Variants in C15orf39 observed in about 807,000 individuals in gnomAD.
The protein encoded by C15orf39 is uncharacterized protein C15orf39.
Under a neutral mutation model 53.9 loss-of-function variants are expected in C15orf39, and 24 were observed. The observed-to-expected ratio is 0.45, with a 90% CI of 0.32 to 0.63. C15orf39 has a LOEUF of 0.63. Ranked by LOEUF, C15orf39 falls within the 20% of genes least tolerant of loss-of-function variation. The probability of loss-of-function intolerance (pLI) is 0.04; values close to 1 mark genes in which losing one functional copy is unlikely to be tolerated. For missense variants in C15orf39, 1,271 were observed against 1,347.9 expected (o/e 0.94, Z 0.89); for synonymous variants, 569 against 576.5 (o/e 0.99, Z 0.19).
At chr15:75,201,806 C>G (rs985800017), upstream of C15orf39, 1 of 151,968 alleles carries the variant, frequency 6.6e-6, no homozygotes, top group Non-Finnish European at 1.5e-5. The surrounding 1 kb of genome is among the most constrained non-coding windows in gnomAD (Gnocchi z 4.7). Context: ...CTCCCAGAGG[C>G]GGGGCCGGGC....
Position 75,208,832 on chromosome 15 carries a change from T to C in C15orf39, c.2776+8T>C, listed in dbSNP as rs373426939. 5.7e-6 allele frequency: 9 copies of C among 1,583,036 alleles called. No individual in the cohort carries two copies. The highest frequency in any genetic ancestry group is 7.7e-6 in the Non-Finnish European group (9 of 1,166,072). On this transcript the variant is annotated splice_region_variant and intron_variant, in intron 2 of 2. Transcript: ENST00000394987. The stretch of plus-strand genomic sequence containing the variant: ...GTGTACGCCGCCAGCTGGGTGAGCA[T>C]GGGGCAGCCCCAGTGGCCACCGGAG...
Position 75,206,317 on chromosome 15 carries a change from A to G in C15orf39, c.269A>G (p.Asn90Ser), listed in dbSNP as rs757626994. 1 of 1,614,034 alleles carries G rather than the reference A, an allele frequency of 6.2e-7. No homozygotes were observed. Among genetic ancestry groups the G allele is most frequent in the Non-Finnish European group, 8.5e-7 (1 of 1,179,994 alleles). The part of the protein sequence containing the change: ...PPLQADNLLT[N>S]CLFYRSPAEG... ...CTTCAGGCAGACAACCTGCTGACCA[A>G]CTGCCTGTTCTACCGCTCGCCAGCA... The change falls in exon 2 of 3, where the codon AAC (asparagine) becomes AGC (serine). Residue 90 changes from asparagine to serine, a missense_variant. Physicochemically the swap from Asn to Ser is conservative, Grantham distance 46. Coordinates refer to ENST00000394987, the MANE Select transcript of C15orf39 (RefSeq NM_015492.5).
rs778936459 is a variant in C15orf39 at position 75,208,459 on chromosome 15, C to G, written c.2411C>G (p.Ala804Gly). 1 of 1,602,414 alleles carries G rather than the reference C, an allele frequency of 6.2e-7. No homozygotes were observed. Among genetic ancestry groups the G allele is most frequent in the Admixed American group, 1.7e-5 (1 of 59,356 alleles). Residue 804 changes from alanine to glycine, a missense_variant, in exon 2 of 3, where the codon GCG becomes GGG. Ala to Gly is a moderately conservative substitution (Grantham distance 60). Coordinates refer to ENST00000394987, the MANE Select transcript of C15orf39 (RefSeq NM_015492.5). The stretch of plus-strand genomic sequence containing the variant: ...ACGGCTGGGCCCTGGGGCCAGGCTG[C>G]GTGGCAGGACTGCCAGGGTGTGCAG... The part of the protein sequence containing the change: ...LETAGPWGQA[A>G]WQDCQGVQGL...
intron 1 of C15orf39, among the ~76,000 whole-genome samples, chr15:75,205,714 T>G (rs1392248436): frequency 6.6e-6 from 1 of 151,984 alleles, no homozygotes; most frequent in Non-Finnish European, 1.5e-5. Flanking sequence ...CCCAGCAACC[T>G]GGGAGTTGGG....
chr15:75,205,869 G>T, intron 1 of C15orf39, 130 bp from the exon 2 acceptor site: 1 of 651,006 alleles, frequency 1.5e-6, no homozygotes, highest in Non-Finnish European at 2.6e-6. Flanking sequence ...TGCACTCACA[G>T]TCTTAACTGA....
chr15:75,207,119 C>T lies in C15orf39; in HGVS notation c.1071C>T (p.Leu357=). The T allele has an allele frequency of 6.2e-7, 1 of 1,613,602 alleles. No individual in the cohort carries two copies. The highest frequency in any genetic ancestry group is 1.1e-5 in the South Asian group (1 of 91,076). ...CTCTCCCAGCACCCTCTCCAGGCCT[C>T]AAGCTGGAGCCGCCTCTCACTCCAC... ...SAPLPAPSPG[L]KLEPPLTPRC... Residue 357 remains leucine, a synonymous_variant, in exon 2 of 3, where the codon CTC becomes CTT. Coordinates refer to ENST00000394987, the MANE Select transcript of C15orf39 (RefSeq NM_015492.5).
rs1267426345 is a variant in C15orf39 at position 75,208,250 on chromosome 15, T to A, written c.2202T>A (p.Ala734=). The A allele has an allele frequency of 1.1e-5, 18 of 1,604,380 alleles. No individual in the cohort carries two copies. The highest frequency in any genetic ancestry group is 1.4e-5 in the Non-Finnish European group (17 of 1,175,536). Residue 734 remains alanine, a synonymous_variant, in exon 2 of 3, where the codon GCT becomes GCA. Coordinates refer to ENST00000394987, the MANE Select transcript of C15orf39 (RefSeq NM_015492.5). ...APSPAPARAQ[A]PASARDPAPA... is the part of the protein sequence containing the mutation. ...CCCCTGCTCCGGCTCGAGCTCAGGCTCCAGCTTCAGCCCGGGATCCAGCTC... is the reference window on the plus strand; with the variant it reads ...CCCCTGCTCCGGCTCGAGCTCAGGCACCAGCTTCAGCCCGGGATCCAGCTC...
Position 75,208,016 on chromosome 15 carries a change from C to T in C15orf39, c.1968C>T (p.Ile656=), listed in dbSNP as rs771069072. ...CCTTCATGTTCCGAAAGTTCAAGATCCTCCGTCCGGCACCTTTGCCTGCAG... is the reference window on the plus strand; with the variant it reads ...CCTTCATGTTCCGAAAGTTCAAGATTCTCCGTCCGGCACCTTTGCCTGCAG... ...SVAFMFRKFK[I]LRPAPLPAAV... is the part of the protein sequence containing the mutation. Residue 656 remains isoleucine (I), a synonymous_variant, in exon 2 of 3, where the codon ATC becomes ATT. Transcript: ENST00000394987. 5 of 1,613,952 alleles carry T rather than the reference C, an allele frequency of 3.1e-6. No individual in the cohort carries two copies. Among genetic ancestry groups the T allele is most frequent in the East Asian group, 4.5e-5 (2 of 44,896 alleles).
chr15:75,210,241 C>T (rs188795608), intron 2 of C15orf39, among the ~76,000 whole-genome samples: 6 of 152,296 alleles, frequency 3.9e-5, no homozygotes, highest in African/African-American at 1.2e-4. Flanking sequence ...CCTTGGGGGC[C>T]GTTTTTCTCT....
intron 2 of C15orf39, chr15:75,209,172 A>G (rs1039799183): frequency 1.9e-5 from 5 of 263,284 alleles, no homozygotes; most frequent in Non-Finnish European, 2.2e-5. Flanking sequence ...CCTGTTTTCT[A>G]GCTGAGATAA....
chr15:75,202,789 T>C (rs1035060050), intron 1 of C15orf39, among the ~76,000 whole-genome samples: 13 of 151,972 alleles, frequency 8.6e-5, no homozygotes, highest in African/African-American at 2.9e-4. Context: ...CAGGCACGGG[T>C]TTGCATGCGT....
At chr15:75,201,679 G>A (rs2070401662), upstream of C15orf39, among the ~76,000 whole-genome samples, 1 of 152,208 alleles carries the variant, frequency 6.6e-6, no homozygotes, top group African/African-American at 2.4e-5. The surrounding 1 kb of genome is among the most constrained non-coding windows in gnomAD (Gnocchi z 4.7). Flanking sequence ...TGACGGGCCC[G>A]CCGGGCACTG....
At chr15:75,203,416 G>A (rs1198512153) in intron 1 of C15orf39, among the ~76,000 whole-genome samples, 1 of 152,238 alleles carries the variant, frequency 6.6e-6, no homozygotes, top group African/African-American at 2.4e-5. Flanking sequence ...CTCAGTATGG[G>A]TCAGGGAAGG....
intron 1 of C15orf39, 23 bp downstream of exon 1, chr15:75,202,082 G>C (rs1003661873): frequency 6.6e-6 from 1 of 152,048 alleles, no homozygotes; most frequent in Admixed American, 6.6e-5. Flanking sequence ...CCGCTCGGCG[G>C]GCGCGGAAAC....
Position 75,202,237 on chromosome 15 carries a change from G to A in C15orf39, c.-51+178G>A, listed in dbSNP as rs541137348. 7 of 152,392 alleles carry A rather than the reference G, an allele frequency of 4.6e-5. No homozygotes were observed. In the East Asian group the frequency reaches 1.4e-3, roughly 29 times the overall value. The allele number at this position is 152,392 out of a possible 1,614,324, so 9.4% of individuals were successfully genotyped here. A position where few individuals can be genotyped will look rare whatever the true frequency, so the allele number is the denominator to read the frequency against. ...GGCTGCCGCCGGCCCCCCGCGAACGGGCTGCGGGGCAGGGGTGGCGCTGCT... is the reference window on the plus strand; with the variant it reads ...GGCTGCCGCCGGCCCCCCGCGAACGAGCTGCGGGGCAGGGGTGGCGCTGCT... On this transcript the variant is annotated intron_variant, in intron 1 of 2. Coordinates refer to ENST00000394987, the MANE Select transcript of C15orf39 (RefSeq NM_015492.5).
chr15:75,207,664 C>CTGAGCCTGACT lies in C15orf39; in HGVS notation c.1616_1617insTGAGCCTGACT (p.Thr540GlufsTer29). 2 of 1,611,200 alleles carry CTGAGCCTGACT rather than the reference C, an allele frequency of 1.2e-6. No individual in the cohort carries two copies. The highest frequency in any genetic ancestry group is 1.7e-6 in the Non-Finnish European group (2 of 1,178,564). ...ACAGCTGAGCCTGACTCAGCCCCAG[C>CTGAGCCTGACT]CACCAGTGAAGGTCAGGACAAAGGC... On this transcript the variant is annotated frameshift_variant, in exon 2 of 3. Transcript: ENST00000394987. LOFTEE classifies it high-confidence loss of function.
rs1321969876 is a variant in C15orf39, at chr15:75,207,857, G to GGATGTGCCA, written c.1816_1824dup (p.Pro606_Val608dup). ...AGCATGCCAAGCCTACTGCAGCCAT[G>GGATGTGCCA]GATGTGCCAGATGTGGGCAACATGG... On this transcript the variant is annotated inframe_insertion, in exon 2 of 3. Transcript: ENST00000394987. 1 of 1,613,428 alleles carries GGATGTGCCA rather than the reference G, an allele frequency of 6.2e-7. No homozygotes were observed. The highest frequency in any genetic ancestry group is 8.5e-7 in the Non-Finnish European group (1 of 1,179,950).
In C15orf39 at chr15:75,211,123, T is replaced by G. The variant is rs369042903; in HGVS notation, c.*7T>G. On this transcript the variant is annotated 3_prime_UTR_variant, in exon 3 of 3. Transcript: ENST00000394987. Reference sequence around the variant, plus strand: ...CCAGAGCCATCACCTGTAGCACTGGTTGCCAGTGCTGTGTGTATAGCAGTC... The same window carrying G: ...CCAGAGCCATCACCTGTAGCACTGGGTGCCAGTGCTGTGTGTATAGCAGTC... 4.6e-5 allele frequency: 73 copies of G among 1,590,166 alleles called. No individual in the cohort carries two copies. The highest frequency in any genetic ancestry group is 6.0e-5 in the Non-Finnish European group (70 of 1,174,534).
upstream of C15orf39, among the ~76,000 whole-genome samples, chr15:75,200,558 G>T (rs2070394569): frequency 6.6e-6 from 1 of 152,198 alleles, no homozygotes; most frequent in Non-Finnish European, 1.5e-5. Context: ...AATAGCCTGT[G>T]ACCCACGGGG....
Sources: gnomAD v4.1 joint callset for allele counts (sites outside exome capture counted in the v4.1 genomes callset) on GRCh38, gnomAD v4.1.1 for gene constraint, Gnocchi (gnomAD v3.1) non-coding constraint, MANE v1.5 for transcripts, NCBI Gene and HGNC (gene_info 2026-07-23, HGNC 2026-07-21) for gene names.